Variants in CPS1 observed in about 807,000 individuals in gnomAD.
CPS1 encodes carbamoyl-phosphate synthase 1, also known as carbamoyl-phosphate synthase [ammonia], mitochondrial.
In CPS1, 109 loss-of-function variants were observed where a neutral mutation model predicts 174.6. The observed-to-expected ratio is 0.62, with a 90% CI of 0.53 to 0.73. The LOEUF is 0.73. Among genes scored for constraint, CPS1 ranks in the 30% least tolerant of loss-of-function variants. The pLI, the probability that CPS1 is intolerant of heterozygous loss-of-function variation, is 0.00. For synonymous variants in CPS1, 637 were observed against 632.0 expected (o/e 1.01, Z -0.12); for missense variants, 1,689 against 1,821.9 (o/e 0.93, Z 1.33).
chr2:210,562,255 T>C (rs962634663), intron 1 of CPS1, among the ~76,000 whole-genome samples: 1 of 152,218 alleles, frequency 6.6e-6, no homozygotes, highest in Admixed American at 6.5e-5. Context: ...AATTAACCTT[T>C]TGATTTTGTC....
chr2:210,605,467 G>A (rs1653223820), intron 17 of CPS1, among the ~76,000 whole-genome samples: 1 of 151,874 alleles, frequency 6.6e-6, no homozygotes, highest in Admixed American at 6.6e-5. Context: ...ATTACACTGA[G>A]TTAATTGAGG....
At chr2:210,539,348 G>A (rs906420983) in intron 1 of CPS1, among the ~76,000 whole-genome samples, 1 of 152,078 alleles carries the variant, frequency 6.6e-6, no homozygotes, top group Non-Finnish European at 1.5e-5. Context: ...ATTGTGTTTT[G>A]TAATAATCTC....
chr2:210,617,904 A>G (rs1699365533), intron 21 of CPS1: 1 of 152,056 alleles, frequency 6.6e-6, no homozygotes, highest in Admixed American at 6.6e-5. Context: ...AATGCCTATG[A>G]AACCACTCCA....
At chr2:210,547,347 G>A (rs1286437426) in intron 1 of CPS1, among the ~76,000 whole-genome samples, 5 of 152,030 alleles carry the variant, frequency 3.3e-5, no homozygotes, top group Non-Finnish European at 7.4e-5. Flanking sequence ...TTGTAAAAAT[G>A]CAGAAAATTC....
chr2:210,580,488 C>G (rs975156869), intron 5 of CPS1, among the ~76,000 whole-genome samples: 4 of 151,940 alleles, frequency 2.6e-5, no homozygotes, highest in Non-Finnish European at 5.9e-5. Flanking sequence ...CTAACGTTAA[C>G]TAAATTCCCC....
chr2:210,647,539 C>A (rs1410452859), intron 25 of CPS1, among the ~76,000 whole-genome samples: 1 of 152,164 alleles, frequency 6.6e-6, no homozygotes, highest in Non-Finnish European at 1.5e-5. Flanking sequence ...GAATTTCCAG[C>A]AGTAGTCCAG....
At chr2:210,591,700 G>A (rs1376919728) in intron 9 of CPS1, 131 bp from the exon 10 acceptor site, 2 of 933,470 alleles carry the variant, frequency 2.1e-6, no homozygotes, top group African/African-American at 1.7e-5. Flanking sequence ...TTCTCACAGA[G>A]TGATTTTCAC....
At chr2:210,536,349 C>T (rs1574500763) in intron 1 of CPS1, among the ~76,000 whole-genome samples, 1 of 130,290 alleles carries the variant, frequency 7.7e-6, no homozygotes, top group Non-Finnish European at 1.5e-5. Context: ...GAGATGGAGT[C>T]TGGCTCTGTC....
intron 23 of CPS1, 73 bp from the exon 24 acceptor site, chr2:210,639,923 A>G (rs1222336631): frequency 2.9e-6 from 3 of 1,038,176 alleles, no homozygotes; most frequent in Non-Finnish European, 4.5e-6. Context: ...ACTTAATGAT[A>G]GGACAACTAG....
At chr2:210,650,336 C>G in intron 27 of CPS1, 27 bp from the exon 28 acceptor site, 1 of 1,595,160 alleles carries the variant, frequency 6.3e-7, no homozygotes, top group Non-Finnish European at 8.6e-7. Context: ...TAAACCTGAC[C>G]TGCTTTTTTT....
At chr2:210,564,755 AG>A (rs1160671359) in intron 1 of CPS1, among the ~76,000 whole-genome samples, 2 of 152,080 alleles carry the variant, frequency 1.3e-5, no homozygotes, top group Non-Finnish European at 2.9e-5. Flanking sequence ...CACTTTGGAA[AG>A]CCAAAGCAGG....
At chr2:210,632,615 T>C (rs143106081) in intron 21 of CPS1, among the ~76,000 whole-genome samples, 1 of 152,284 alleles carries the variant, frequency 6.6e-6, no homozygotes, top group Non-Finnish European at 1.5e-5. Flanking sequence ...CTTGTGGAAT[T>C]AGGCAGCACT....
At chr2:210,558,408 G>A (rs1035055564) in intron 1 of CPS1, among the ~76,000 whole-genome samples, 2 of 151,946 alleles carry the variant, frequency 1.3e-5, no homozygotes, top group Non-Finnish European at 2.9e-5. Flanking sequence ...GAATGGGAAA[G>A]GAGAATATTC....
chr2:210,509,589 T>G (rs533768437), intron 1 of CPS1, among the ~76,000 whole-genome samples: 2 of 152,330 alleles, frequency 1.3e-5, no homozygotes, highest in African/African-American at 4.8e-5. Flanking sequence ...GGAAATCAAA[T>G]TGTTCCTGTT....
intron 1 of CPS1, among the ~76,000 whole-genome samples, chr2:210,497,006 T>C (rs887491799): frequency 1.3e-5 from 2 of 152,220 alleles, no homozygotes; most frequent in East Asian, 3.8e-4. Context: ...GGAAATCTTT[T>C]AACTGATTAT....
At chr2:210,560,205 A>G (rs1421760318) in intron 1 of CPS1, among the ~76,000 whole-genome samples, 2 of 152,130 alleles carry the variant, frequency 1.3e-5, no homozygotes, top group Admixed American at 6.6e-5. Flanking sequence ...AATAGACACC[A>G]TAATAACCTA....
intron 1 of CPS1, among the ~76,000 whole-genome samples, chr2:210,486,115 TACACACACACACACACACACAC>T (rs60740361): frequency 0.18 from 24,286 of 135,650 alleles, 2,304 homozygotes; most frequent in Admixed American, 0.26. Flanking sequence ...CACACACACA[TACACACACACACACACACACAC>T]ACACACACAC....
At chr2:210,664,878 A>G (rs1701040507) in intron 33 of CPS1, among the ~76,000 whole-genome samples, 1 of 152,194 alleles carries the variant, frequency 6.6e-6, no homozygotes, top group Non-Finnish European at 1.5e-5. Flanking sequence ...TAAAATCTTA[A>G]TTATGCTTCA....
At chr2:210,488,681 T>C (rs1308438279) in intron 1 of CPS1, among the ~76,000 whole-genome samples, 1 of 152,208 alleles carries the variant, frequency 6.6e-6, no homozygotes, top group East Asian at 1.9e-4. Flanking sequence ...AAATTCCACC[T>C]ATCTTTTGGA....
Sources: gnomAD v4.1 joint callset for allele counts (sites outside exome capture counted in the v4.1 genomes callset) on GRCh38, gnomAD v4.1.1 for gene constraint, MANE v1.5 for transcripts, NCBI Gene and HGNC (gene_info 2026-07-23, HGNC 2026-07-21) for gene names.